ZNF609: variants seen among roughly 807,000 people sequenced by gnomAD.
The protein encoded by ZNF609 is zinc finger protein 609.
ZNF609 carries 11 observed loss-of-function variants against 109.5 expected under a neutral mutation model. That is an observed-to-expected ratio of 0.10 (90% CI 0.06 to 0.17). The LOEUF (loss-of-function observed/expected upper bound fraction) is 0.17, where lower values mean the gene tolerates loss of function less well. Ranked by LOEUF, ZNF609 falls within the 10% of genes least tolerant of loss-of-function variation. The pLI, the probability that ZNF609 is intolerant of heterozygous loss-of-function variation, is 1.00. For missense variants in ZNF609, 1,559 were observed against 1,772.4 expected (o/e 0.88, Z 2.16); for synonymous variants, 646 against 662.0 (o/e 0.98, Z 0.37).
intron 1 of ZNF609, chr15:64,471,333 C>G (rs1893087611): frequency 6.6e-6 from 1 of 151,528 alleles, no homozygotes; most frequent in Non-Finnish European, 1.5e-5. Flanking sequence ...TGTACTCTAG[C>G]CTGGGTGACA....
chr15:64,583,096 C>T (rs947658235), intron 2 of ZNF609, among the ~76,000 whole-genome samples: 3 of 149,824 alleles, frequency 2.0e-5, no homozygotes, highest in East Asian at 4.1e-4. Flanking sequence ...TGCAGTGGTG[C>T]GATCTCGACT....
intron 2 of ZNF609, among the ~76,000 whole-genome samples, chr15:64,565,174 C>G (rs1261379567): frequency 6.7e-6 from 1 of 150,016 alleles, no homozygotes; most frequent in Non-Finnish European, 1.5e-5. Context: ...ATTCTCCTGC[C>G]TCAGCCTCTC....
At chr15:64,552,893 C>T (rs567738294) in intron 2 of ZNF609, among the ~76,000 whole-genome samples, 2 of 152,322 alleles carry the variant, frequency 1.3e-5, no homozygotes, top group African/African-American at 2.4e-5. Context: ...GCAGTCCTCC[C>T]ACCTCTGCCT....
intron 2 of ZNF609, among the ~76,000 whole-genome samples, chr15:64,609,385 G>C (rs917087100): frequency 6.6e-6 from 1 of 151,624 alleles, no homozygotes; most frequent in East Asian, 2.0e-4. Flanking sequence ...GTTTCACCTT[G>C]TTAGCCAGGA....
intron 1 of ZNF609, among the ~76,000 whole-genome samples, chr15:64,465,122 T>G (rs1472206877): frequency 6.6e-6 from 1 of 152,146 alleles, no homozygotes; most frequent in Non-Finnish European, 1.5e-5. Flanking sequence ...ATAGTGGTAA[T>G]TCAGTGTTTC....
chr15:64,480,221 A>G (rs1042731826), intron 1 of ZNF609, among the ~76,000 whole-genome samples: 25 of 151,512 alleles, frequency 1.7e-4, no homozygotes, highest in African/African-American at 4.4e-4. Context: ...CCTGGGCAAC[A>G]GAGCAAGACT....
intron 2 of ZNF609, among the ~76,000 whole-genome samples, chr15:64,513,726 T>C (rs766660127): frequency 1.3e-5 from 2 of 152,106 alleles, no homozygotes; most frequent in Non-Finnish European, 2.9e-5. Context: ...TATTTGTAAA[T>C]ACTAGAATCA....
intron 2 of ZNF609, among the ~76,000 whole-genome samples, chr15:64,569,317 C>T (rs1894825854): frequency 6.6e-6 from 1 of 152,202 alleles, no homozygotes; most frequent in Non-Finnish European, 1.5e-5. Flanking sequence ...GCTAGAACCT[C>T]ATCTGTTTGG....
chr15:64,621,913 A>G (rs1895882755), intron 2 of ZNF609, among the ~76,000 whole-genome samples: 1 of 151,896 alleles, frequency 6.6e-6, no homozygotes, highest in Admixed American at 6.6e-5. Flanking sequence ...TTTAGTAGAG[A>G]TGGGGTTTCA....
rs185678264 is a variant in ZNF609 at position 64,609,585 on chromosome 15, C to T, written c.748-13242C>T. Among the ~76,000 whole-genome samples, 173 of 150,954 alleles carry T rather than the reference C, an allele frequency of 1.1e-3. 4 individuals carry two copies. In the East Asian group the frequency reaches 0.032, roughly 28 times the overall value. On this transcript the variant is annotated intron_variant, in intron 2 of 9. Coordinates refer to ENST00000326648, the MANE Select transcript of ZNF609 (RefSeq NM_015042.2). ...TTGGGCTCCCAAAGTGCTGGGATTA[C>T]AGGCGTGAGCCACGGTGCATGGCCT...
At chr15:64,557,727 C>T (rs769376471) in intron 2 of ZNF609, among the ~76,000 whole-genome samples, 9 of 152,210 alleles carry the variant, frequency 5.9e-5, no homozygotes, top group East Asian at 1.9e-4. Flanking sequence ...GACGGAGTCT[C>T]GCTCTGTCGC....
intron 3 of ZNF609, among the ~76,000 whole-genome samples, chr15:64,665,637 C>G (rs910092016): frequency 2.0e-5 from 3 of 152,124 alleles, no homozygotes; most frequent in African/African-American, 7.2e-5. Flanking sequence ...GGGCCGGGCC[C>G]GGTGGCGCAT....
At chr15:64,591,909 A>C (rs1423259331) in intron 2 of ZNF609, among the ~76,000 whole-genome samples, 1 of 151,950 alleles carries the variant, frequency 6.6e-6, no homozygotes, top group Non-Finnish European at 1.5e-5. Flanking sequence ...ATGGGGTTTC[A>C]CCATGTTGGC....
upstream of ZNF609, among the ~76,000 whole-genome samples, chr15:64,460,409 G>A (rs960904406): frequency 1.3e-5 from 2 of 152,176 alleles, no homozygotes; most frequent in Admixed American, 6.5e-5. Flanking sequence ...CCTGAGCTAA[G>A]ACTCCCTAAT....
At chr15:64,638,218 T>G (rs1480354927) in intron 3 of ZNF609, among the ~76,000 whole-genome samples, 3 of 151,704 alleles carry the variant, frequency 2.0e-5, no homozygotes, top group Admixed American at 6.6e-5. Context: ...CCAGTTAACC[T>G]GTGTGGGTTT....
intron 3 of ZNF609, among the ~76,000 whole-genome samples, chr15:64,633,686 C>T (rs1896121532): frequency 6.6e-6 from 1 of 152,180 alleles, no homozygotes; most frequent in African/African-American, 2.4e-5. Flanking sequence ...ACCATGTGGC[C>T]TGCAAGGCCC....
intron 2 of ZNF609, among the ~76,000 whole-genome samples, chr15:64,569,001 T>G (rs538595288): frequency 6.6e-6 from 1 of 152,344 alleles, no homozygotes; most frequent in African/African-American, 2.4e-5. Context: ...CACACTGGCC[T>G]TCTTTCTTTT....
chr15:64,619,443 G>A (rs1327095028), intron 2 of ZNF609, among the ~76,000 whole-genome samples: 1 of 152,212 alleles, frequency 6.6e-6, no homozygotes, highest in Non-Finnish European at 1.5e-5. Flanking sequence ...ATGGCTTAAT[G>A]TTAGATTATA....
chr15:64,551,709 G>C (rs1894480201), intron 2 of ZNF609, among the ~76,000 whole-genome samples: 1 of 149,172 alleles, frequency 6.7e-6, no homozygotes, highest in Admixed American at 6.7e-5. Flanking sequence ...TGACCATGGA[G>C]AGGGAGAAAG....
Sources: allele counts gnomAD v4.1 joint callset (sites outside exome capture counted in the v4.1 genomes callset), GRCh38; gene constraint gnomAD v4.1.1; transcripts MANE v1.5; gene names NCBI Gene and HGNC (gene_info 2026-07-23, HGNC 2026-07-21).